The following TNK2 variants were observed in gnomAD, a reference collection of about 807,000 sequenced individuals.
The protein encoded by TNK2 is activated CDC42 kinase 1.
A neutral mutation model predicts 101.8 loss-of-function variants in TNK2; 83 were observed. The ratio of observed to expected loss-of-function variants is 0.82; its 90% CI spans 0.68 to 0.98. TNK2 has a LOEUF of 0.98. Ranked by LOEUF, TNK2 falls within the 50% of genes least tolerant of loss-of-function variation. The pLI is 0.00. For synonymous variants in TNK2, 804 were observed against 633.0 expected (o/e 1.27, Z -4.06); for missense variants, 1,665 against 1,483.2 (o/e 1.12, Z -2.01).
chr3:195,872,376 C>G lies in TNK2; in HGVS notation c.1351G>C (p.Ala451Pro). 6.2e-7 allele frequency: 1 copy of G among 1,613,376 alleles called. No individual in the cohort carries two copies. Residue 451 changes from alanine (A) to proline (P), a missense_variant, in exon 10 of 16, where the codon GCC (alanine) becomes CCC (proline). Ala to Pro is a conservative substitution (Grantham distance 27, BLOSUM62 -1). Around this residue, in one of 3 missense-constraint regions of TNK2, gnomAD observed 1,136 missense variants for 894.9 expected, o/e 1.27. Coordinates refer to ENST00000672887, the MANE Select transcript of TNK2 (RefSeq NM_001382273.1). ...NVVTSVAGLS[A>P]QDISQPLQNS... ...TGCAGGGGCTGGCTGATGTCCTGGG[C>G]CGACAGGCCGGCCACGGAGGTCACC... is the stretch of plus-strand genomic sequence containing the variant.
At chr3:195,881,852 C>T (rs919354095) in intron 6 of TNK2, among the ~76,000 whole-genome samples, 199 bp downstream of exon 6, 3 of 152,146 alleles carry the variant, frequency 2.0e-5, no homozygotes, top group Non-Finnish European at 2.9e-5. Flanking sequence ...ATTTCCAGCA[C>T]CCAGACCCTG....
chr3:195,904,291 A>C (rs1761519930), intron 1 of TNK2, among the ~76,000 whole-genome samples: 1 of 152,082 alleles, frequency 6.6e-6, no homozygotes, highest in African/African-American at 2.4e-5. Context: ...GGTGAAAGCA[A>C]TCCAAGTAAA....
In TNK2 at chr3:195,886,740, G is replaced by T. The variant is rs12629675; in HGVS notation, c.234+237C>A. Among the ~76,000 whole-genome samples, 10 of 152,278 alleles carry T rather than the reference G, an allele frequency of 6.6e-5. No individual in the cohort carries two copies. Among genetic ancestry groups the T allele is most frequent in the African/African-American group, 1.2e-4 (5 of 41,552 alleles). On this transcript the variant is annotated intron_variant, in intron 3 of 15. Coordinates refer to ENST00000672887, the MANE Select transcript of TNK2 (RefSeq NM_001382273.1). This position sits in a 1 kb window ranked among gnomAD's most constrained non-coding sequence, Gnocchi z 4.2. ...AGGCGTGCCGAGAGGGGCTGTGAAG[G>T]CCTCACCGCACACAGGCTGCTCACG...
At chr3:195,866,860 G>C in intron 15 of TNK2, 29 bp downstream of exon 15, 2 of 1,604,318 alleles carry the variant, frequency 1.2e-6, no homozygotes, top group Non-Finnish European at 1.7e-6. Context: ...CTGGGGCACG[G>C]AGCGGGGCAG....
chr3:195,872,446 G>A lies in TNK2; in HGVS notation c.1281C>T (p.Gly427=). 1 of 1,605,290 alleles carries A rather than the reference G, an allele frequency of 6.2e-7. No homozygotes were observed. The highest frequency in any genetic ancestry group is 1.7e-5 in the Admixed American group (1 of 59,332). ...EGRAENYWWR[G]QNTRTLCVGP... is the part of the protein sequence containing the mutation. ...CCACACACAGCGTCCGTGTGTTCTG[G>A]CCACGCCACCAGTAGTTCTCGGCCC... Residue 427 remains glycine (G), a synonymous_variant, in exon 10 of 16, where the codon GGC becomes GGT. Coordinates refer to ENST00000672887, the MANE Select transcript of TNK2 (RefSeq NM_001382273.1).
At chr3:195,884,758 T>C in intron 4 of TNK2, 54 bp downstream of exon 4, 1 of 1,515,850 alleles carries the variant, frequency 6.6e-7, no homozygotes, top group Non-Finnish European at 8.9e-7. Flanking sequence ...GAAGAGCCAC[T>C]ACCAGCCCCG....
chr3:195,892,740 G>C, intron 1 of TNK2: 2 of 1,354,366 alleles, frequency 1.5e-6, no homozygotes, highest in Non-Finnish European at 1.9e-6. Context: ...TCTCTCCAGG[G>C]CAGTGGTCAC....
intron 9 of TNK2, among the ~76,000 whole-genome samples, chr3:195,873,292 G>C (rs558117606): frequency 1.3e-5 from 2 of 152,352 alleles, no homozygotes; most frequent in South Asian, 4.1e-4. Context: ...AGGGGCAGGG[G>C]CAGGCAGGCC....
Position 195,878,950 on chromosome 3 carries a change from G to A in TNK2, c.1014+99C>T. 1.9e-6 allele frequency: 3 copies of A among 1,542,014 alleles called. No homozygotes were observed. Among genetic ancestry groups the A allele is most frequent in the Non-Finnish European group, 2.6e-6 (3 of 1,141,190 alleles). The stretch of plus-strand genomic sequence containing the variant: ...GGGAGGCACGGGGCGTGGGAGGAGG[G>A]AGTCCATTGGTGAGAGGCAGTTCCA... On this transcript the variant is annotated intron_variant, in intron 7 of 15. Coordinates refer to ENST00000672887, the MANE Select transcript of TNK2 (RefSeq NM_001382273.1). This position sits in a 1 kb window ranked among gnomAD's most constrained non-coding sequence, Gnocchi z 4.7.
intron 9 of TNK2, among the ~76,000 whole-genome samples, chr3:195,875,922 C>T (rs1196442158): frequency 6.6e-6 from 1 of 152,214 alleles, no homozygotes; most frequent in Non-Finnish European, 1.5e-5. Context: ...ACCACGTTCC[C>T]GTCCGGGCCG....
chr3:195,875,697 C>A (rs1287795587), intron 9 of TNK2, among the ~76,000 whole-genome samples: 1 of 152,188 alleles, frequency 6.6e-6, no homozygotes, highest in Non-Finnish European at 1.5e-5. Context: ...TCCCCGTGGC[C>A]ATGGGAGGGC....
chr3:195,869,095 C>G (rs898357132), intron 12 of TNK2: 4 of 467,914 alleles, frequency 8.5e-6, no homozygotes, highest in African/African-American at 5.8e-5. Flanking sequence ...AGTGCAGGCA[C>G]GGAGCCGCCT....
intron 1 of TNK2, among the ~76,000 whole-genome samples, chr3:195,890,420 T>C (rs1757900333): frequency 6.6e-6 from 1 of 151,888 alleles, no homozygotes; most frequent in Non-Finnish European, 1.5e-5. Flanking sequence ...TCCCACTTTA[T>C]ATATAAATAA....
In TNK2 at chr3:195,883,248, T is replaced by C; in HGVS notation, c.518A>G (p.Asp173Gly). ...DVLSQPEAMD[D>G]FIREVNAMHS... The stretch of plus-strand genomic sequence containing the variant: ...CATGGCATTGACCTCCCGGATGAAG[T>C]CGTCCATGGCTTCTGGCTGGCTCAG... The change falls in exon 5 of 16, where the codon GAC becomes GGC. Residue 173 changes from aspartate to glycine, a missense_variant. By Grantham distance (94) the Asp-to-Gly change is moderately conservative. Transcript: ENST00000672887. 1 of 1,613,074 alleles carries C rather than the reference T, an allele frequency of 6.2e-7. No individual in the cohort carries two copies. The highest frequency in any genetic ancestry group is 8.5e-7 in the Non-Finnish European group (1 of 1,179,974).
chr3:195,872,806 C>T, intron 9 of TNK2: 2 of 271,336 alleles, frequency 7.4e-6, no homozygotes, highest in Non-Finnish European at 1.4e-5. Context: ...GGACCCAACG[C>T]CAGCTTTCAG....
At chr3:195,893,733 G>C (rs1474924497) in intron 1 of TNK2, among the ~76,000 whole-genome samples, 1 of 152,036 alleles carries the variant, frequency 6.6e-6, no homozygotes, top group Non-Finnish European at 1.5e-5. Context: ...CATGCCTAGG[G>C]AGCCCCTGTT....
intron 9 of TNK2, among the ~76,000 whole-genome samples, chr3:195,877,795 AG>A (rs1233380111): frequency 6.6e-6 from 1 of 151,018 alleles, no homozygotes; most frequent in Admixed American, 6.6e-5. Flanking sequence ...CAGGCCTGGG[AG>A]GGGGTGGTGG....
intron 6 of TNK2, among the ~76,000 whole-genome samples, chr3:195,879,928 T>G (rs1447479190): frequency 2.6e-5 from 4 of 152,128 alleles, no homozygotes; most frequent in Non-Finnish European, 5.9e-5. Flanking sequence ...CAAACCAGGA[T>G]GCCTGAATAC....
rs779610255 is a variant in TNK2, at chr3:195,884,804, G to C, written c.456+8C>G. The C allele has an allele frequency of 6.2e-7, 1 of 1,604,480 alleles. No individual in the cohort carries two copies. Among genetic ancestry groups the C allele is most frequent in the Non-Finnish European group, 8.5e-7 (1 of 1,176,586 alleles). On this transcript the variant is annotated splice_region_variant and intron_variant, in intron 4 of 15. Transcript: ENST00000672887. ...CTCTGCTGCGCTGGCAGGACACAGA[G>C]AGCTCACCGTCTTCCCTGAGGGCGC...
Sources: gnomAD v4.1 joint callset for allele counts (sites outside exome capture counted in the v4.1 genomes callset) on GRCh38, gnomAD v4.1.1 for gene constraint, gnomAD v4.1.1 regional missense constraint, Gnocchi (gnomAD v3.1) non-coding constraint, MANE v1.5 for transcripts, NCBI Gene and HGNC (gene_info 2026-07-23, HGNC 2026-07-21) for gene names.